The following TSHZ3 variants were observed in gnomAD, a reference collection of about 807,000 sequenced individuals.
The protein encoded by TSHZ3 is teashirt zinc finger homeobox 3.
Under a neutral mutation model 64.5 loss-of-function variants are expected in TSHZ3, and 10 were observed. That is an observed-to-expected ratio of 0.16 (90% CI 0.10 to 0.26). The LOEUF (loss-of-function observed/expected upper bound fraction) is 0.26, where lower values mean the gene tolerates loss of function less well. Ranked by LOEUF, TSHZ3 falls within the 10% of genes least tolerant of loss-of-function variation. TSHZ3 has a pLI of 1.00. For synonymous variants in TSHZ3, 608 were observed against 593.1 expected, an observed-to-expected ratio of 1.03 and a Z score of -0.36; for missense variants, 1,242 against 1,421.7, an observed-to-expected ratio of 0.87 and a Z score of 2.03.
downstream of TSHZ3, among the ~76,000 whole-genome samples, chr19:31,270,335 G>A (rs2145205333): frequency 6.6e-6 from 1 of 152,308 alleles, no homozygotes; most frequent in African/African-American, 2.4e-5. Context: ...ATTGTCCAAT[G>A]TCCAGTGGAA....
At chr19:31,207,185 G>A (rs1474587574) in intron 4 of TSHZ3, among the ~76,000 whole-genome samples, 1 of 152,148 alleles carries the variant, frequency 6.6e-6, no homozygotes, top group African/African-American at 2.4e-5. Context: ...TGAAAAAAGT[G>A]ATTATATATT....
At chr19:31,202,614 C>G (rs1490951778) in intron 5 of TSHZ3, among the ~76,000 whole-genome samples, 1 of 152,114 alleles carries the variant, frequency 6.6e-6, no homozygotes, top group South Asian at 2.1e-4. Flanking sequence ...ACAACACTGA[C>G]CTGCCTGTGG....
chr19:31,350,434 G>T (rs1313188767), upstream of TSHZ3, among the ~76,000 whole-genome samples: 2 of 151,456 alleles, frequency 1.3e-5, no homozygotes, highest in Non-Finnish European at 3.0e-5. Flanking sequence ...CCCGGGAGCC[G>T]GGCCGCGCCC....
upstream of TSHZ3, among the ~76,000 whole-genome samples, chr19:31,350,481 G>T (rs990363399): frequency 6.6e-6 from 1 of 151,482 alleles, no homozygotes; most frequent in African/African-American, 2.4e-5. Flanking sequence ...GGGCGGGACG[G>T]GGGCGGGAGA....
intron 1 of TSHZ3, among the ~76,000 whole-genome samples, chr19:31,284,033 T>C (rs62101258): frequency 0.22 from 33,307 of 152,150 alleles, 4,673 homozygotes; most frequent in East Asian, 0.53. Context: ...ACATGTGACC[T>C]TGGGAAATTC....
At chr19:31,323,033 T>C (rs1391207355) in intron 1 of TSHZ3, among the ~76,000 whole-genome samples, 3 of 152,268 alleles carry the variant, frequency 2.0e-5, no homozygotes, top group African/African-American at 7.2e-5. Context: ...AATGTGTGCA[T>C]GTGTGTGAAT....
intron 1 of TSHZ3, among the ~76,000 whole-genome samples, chr19:31,269,418 CT>C (rs1976103302): frequency 6.6e-6 from 1 of 152,010 alleles, no homozygotes; most frequent in South Asian, 2.1e-4. Context: ...AAAATGACTC[CT>C]TCCCGACAGA....
intron 4 of TSHZ3, among the ~76,000 whole-genome samples, chr19:31,218,159 G>A (rs1222931169): frequency 6.6e-6 from 1 of 152,178 alleles, no homozygotes; most frequent in East Asian, 1.9e-4. Context: ...ATCTGAAAAA[G>A]GCCTGCTATC....
chr19:31,230,885 G>A (rs1975531273), intron 3 of TSHZ3, among the ~76,000 whole-genome samples: 1 of 151,170 alleles, frequency 6.6e-6, no homozygotes, highest in Non-Finnish European at 1.5e-5. Flanking sequence ...TGTATTTTTA[G>A]TAGAGACGGG....
chr19:31,264,436 T>C (rs1382772933), intron 1 of TSHZ3, among the ~76,000 whole-genome samples: 1 of 152,204 alleles, frequency 6.6e-6, no homozygotes, highest in Non-Finnish European at 1.5e-5. Context: ...TATCTGAACG[T>C]TCCAGGCTCC....
At chr19:31,180,194 T>C (rs1340276252) in intron 5 of TSHZ3, among the ~76,000 whole-genome samples, 1 of 152,176 alleles carries the variant, frequency 6.6e-6, no homozygotes. Context: ...GGGTATCTGC[T>C]ACTCAGGAAT....
chr19:31,232,886 A>G (rs1299467771), intron 3 of TSHZ3, among the ~76,000 whole-genome samples: 1 of 152,224 alleles, frequency 6.6e-6, no homozygotes, highest in Non-Finnish European at 1.5e-5. Flanking sequence ...TCATCCATGC[A>G]CGTATCCAGC....
chr19:31,314,353 C>A (rs1916544887), intron 1 of TSHZ3, among the ~76,000 whole-genome samples: 1 of 152,180 alleles, frequency 6.6e-6, no homozygotes, highest in Non-Finnish European at 1.5e-5. Context: ...GCCATCACTG[C>A]AATCCTGAGA....
intron 1 of TSHZ3, 34 bp downstream of exon 1, chr19:31,349,146 G>C (rs1471684188): frequency 2.6e-6 from 4 of 1,538,330 alleles, no homozygotes; most frequent in East Asian, 2.5e-5. Context: ...GGAAGAGGAG[G>C]AGGAGAGCAG....
Position 31,278,357 on chromosome 19 carries a change from G to A in TSHZ3, c.1436C>T (p.Ala479Val), listed in dbSNP as rs572265018. ...EVKKEVDKEK[A>V]VTDEKPKQKD... The stretch of plus-strand genomic sequence containing the variant: ...TTGCTTAGGTTTCTCGTCAGTGACC[G>A]CTTTCTCCTTGTCGACTTCCTTCTT... Residue 479 changes from alanine to valine, a missense_variant, in exon 2 of 2, where the codon GCG becomes GTG. Transcript: ENST00000240587. This position sits in a 1 kb window ranked among gnomAD's most constrained non-coding sequence, Gnocchi z 4.7. 2.3e-5 allele frequency: 37 copies of A among 1,614,144 alleles called. No homozygotes were observed. In the East Asian group the frequency reaches 2.7e-4, roughly 12 times the overall value.
intron 1 of TSHZ3, among the ~76,000 whole-genome samples, chr19:31,332,476 C>T (rs1443334723): frequency 3.9e-5 from 6 of 152,054 alleles, no homozygotes; most frequent in African/African-American, 1.2e-4. Context: ...TTTGGAGCCA[C>T]GATGACCGAC....
chr19:31,195,223 C>CA (rs61641865), intron 5 of TSHZ3, among the ~76,000 whole-genome samples: 103,873 of 151,724 alleles, frequency 0.68, 35,668 homozygotes, highest in Middle Eastern at 0.74. Context: ...TGTCACACAC[C>CA]AACCACAGAT....
intron 5 of TSHZ3, among the ~76,000 whole-genome samples, chr19:31,163,708 GT>G (rs1974401799): frequency 6.6e-6 from 1 of 152,180 alleles, no homozygotes; most frequent in Non-Finnish European, 1.5e-5. Context: ...TCCAATCTGG[GT>G]GACAGAATGG....
At chr19:31,170,972 A>C (rs748352528) in intron 5 of TSHZ3, among the ~76,000 whole-genome samples, 10 of 152,344 alleles carry the variant, frequency 6.6e-5, no homozygotes, top group Middle Eastern at 3.4e-3. Context: ...CAATCAGTTT[A>C]ATTACAGTGG....
Sources: allele counts gnomAD v4.1 joint callset (sites outside exome capture counted in the v4.1 genomes callset), GRCh38; gene constraint gnomAD v4.1.1; non-coding constraint Gnocchi (gnomAD v3.1); transcripts MANE v1.5; gene names NCBI Gene and HGNC (gene_info 2026-07-23, HGNC 2026-07-21).